ARHGAP35: variants seen among roughly 807,000 people sequenced by gnomAD.
The protein encoded by ARHGAP35 is Rho GTPase activating protein 35.
ARHGAP35 carries 15 observed loss-of-function variants against 111.1 expected under a neutral mutation model. The observed-to-expected ratio is 0.13, with a 90% CI of 0.09 to 0.21. The LOEUF (loss-of-function observed/expected upper bound fraction) is 0.21. Among genes scored for constraint, ARHGAP35 ranks in the 10% least tolerant of loss-of-function variants. The pLI, the probability that ARHGAP35 is intolerant of heterozygous loss-of-function variation, is 1.00. For missense variants in ARHGAP35, 1,262 were observed against 1,873.0 expected, an observed-to-expected ratio of 0.67 and a Z score of 6.02; for synonymous variants, 643 against 710.3, an observed-to-expected ratio of 0.91 and a Z score of 1.51.
Position 46,867,287 on chromosome 19 carries a change from C to G in ARHGAP35, c.-189+6078C>G, listed in dbSNP as rs540429870. 5.9e-5 allele frequency among the ~76,000 whole-genome samples: 9 copies of G among 152,250 alleles called. No individual in the cohort carries two copies. The South Asian group carries it at 1.7e-3, about 28-fold the overall frequency. ...TTTATGTACTTTGCAGCAGTTGTGA[C>G]TGTTGTATTATAGATCTGCAGGTAT... On this transcript the variant is annotated intron_variant, in intron 1 of 6. Coordinates refer to ENST00000672722, the MANE Select transcript of ARHGAP35 (RefSeq NM_004491.5).
At chr19:46,875,212 T>C (rs74739864) in intron 1 of ARHGAP35, among the ~76,000 whole-genome samples, 1,718 of 152,254 alleles carry the variant, frequency 0.011, 44 homozygotes, top group African/African-American at 0.039. Context: ...TATTAAATAT[T>C]TATTTACTGA....
chr19:46,897,217 G>A (rs995805389), intron 1 of ARHGAP35, among the ~76,000 whole-genome samples: 4 of 152,090 alleles, frequency 2.6e-5, no homozygotes, highest in Non-Finnish European at 5.9e-5. Context: ...GTTGTCAAAG[G>A]AAGTATGAAA....
intron 3 of ARHGAP35, among the ~76,000 whole-genome samples, chr19:46,955,559 T>G (rs1261558633): frequency 6.6e-6 from 1 of 152,330 alleles, no homozygotes; most frequent in East Asian, 1.9e-4. Flanking sequence ...TATACCTTAT[T>G]CACATAGCAT....
chr19:46,912,841 C>G (rs1169349054), intron 1 of ARHGAP35, among the ~76,000 whole-genome samples: 1 of 148,724 alleles, frequency 6.7e-6, no homozygotes, highest in Non-Finnish European at 1.5e-5. Context: ...CAAATGCAAA[C>G]ATTTTAACCA....
chr19:46,910,216 G>T (rs1032347905), intron 1 of ARHGAP35, among the ~76,000 whole-genome samples: 2 of 152,054 alleles, frequency 1.3e-5, no homozygotes, highest in Admixed American at 6.6e-5. Context: ...GGGCTCAAGC[G>T]ATCCTCCTGC....
Position 46,920,411 on chromosome 19 carries a change from T to G in ARHGAP35, c.1736T>G (p.Ile579Ser). The G allele has an allele frequency of 6.2e-7, 1 of 1,613,920 alleles. No individual in the cohort carries two copies. Among genetic ancestry groups the G allele is most frequent in the Non-Finnish European group, 8.5e-7 (1 of 1,179,778 alleles). Residue 579 changes from isoleucine to serine, a missense_variant, in exon 2 of 7, where the codon ATC (isoleucine) becomes AGC (serine). Ile to Ser is a moderately radical substitution (Grantham distance 142, BLOSUM62 -2). This residue lies in a region of ARHGAP35 where 328 missense variants were observed against 440.8 expected (regional missense o/e 0.74). Transcript: ENST00000672722. The surrounding 1 kb of genome is among the most constrained non-coding windows in gnomAD (Gnocchi z 7.0). ...KIEHLISSRF[I>S]RPSDRNQKNS... The stretch of plus-strand genomic sequence containing the variant: ...GAGCACTTGATTAGTTCTCGGTTTA[T>G]CCGGCCGTCTGACCGGAATCAGAAA...
At chr19:46,899,205 G>A (rs541457587) in intron 1 of ARHGAP35, among the ~76,000 whole-genome samples, 2 of 152,282 alleles carry the variant, frequency 1.3e-5, no homozygotes, top group Admixed American at 6.5e-5. Context: ...CATTCAGAGA[G>A]GTGGAGAAGA....
rs181810408 is a variant in ARHGAP35, at chr19:47,001,125, G to A, written c.*437G>A. On this transcript the variant is annotated 3_prime_UTR_variant, in exon 7 of 7. Coordinates refer to ENST00000672722, the MANE Select transcript of ARHGAP35 (RefSeq NM_004491.5). The surrounding 1 kb of genome is among the most constrained non-coding windows in gnomAD (Gnocchi z 5.4). ...TGAAGAGAACACTTCCTGTTGGTCT[G>A]TCTCTTCCCACCTTCCATCTGCACA... The A allele has an allele frequency of 4.1e-6, 5 of 1,234,218 alleles. No homozygotes were observed. The Admixed American group carries it at 1.2e-4, about 29-fold the overall frequency. The allele number at this position is 1,234,218 out of a possible 1,614,324, so 76.5% of individuals were successfully genotyped here.
chr19:46,957,790 G>A lies in ARHGAP35; in HGVS notation c.3826+20382G>A, dbSNP rs535972793. ...TTCAGGATCTGTGCTTCTCGCATTC[G>A]TGCAATGAGGATGTTTAATGAGCCT... On this transcript the variant is annotated intron_variant, in intron 3 of 6. Transcript: ENST00000672722. Among the ~76,000 whole-genome samples the A allele has an allele frequency of 7.9e-5, 12 of 152,284 alleles. No individual in the cohort carries two copies. In the South Asian group the frequency reaches 1.9e-3, roughly 24 times the overall value.
intron 3 of ARHGAP35, among the ~76,000 whole-genome samples, chr19:46,956,955 A>ACT (rs1308592378): frequency 9.1e-6 from 1 of 109,854 alleles, no homozygotes; most frequent in Non-Finnish European, 1.9e-5. Context: ...CTTAAAGCAG[A>ACT]CTTTTTTTTT....
rs183204435 is a variant in ARHGAP35 at position 46,886,555 on chromosome 19, T to C, written c.-189+25346T>C. 1.1e-3 allele frequency among the ~76,000 whole-genome samples: 169 copies of C among 152,324 alleles called. 2 individuals are homozygous for C. The Middle Eastern group carries it at 0.02, about 18-fold the overall frequency. ...GTTGTTAATAGTTGTATTTTTTAAC[T>C]GTAGGATAAATTGCCAGTTTTTATT... On this transcript the variant is annotated intron_variant, in intron 1 of 6. Transcript: ENST00000672722.
At chr19:46,877,248 CAAAAAAAAAA>C (rs35968599) in intron 1 of ARHGAP35, among the ~76,000 whole-genome samples, 1 of 89,868 alleles carries the variant, frequency 1.1e-5, no homozygotes, top group Non-Finnish European at 2.1e-5. Context: ...AAAACTGTCT[CAAAAAAAAAA>C]AAAAAAAAAA....
intron 1 of ARHGAP35, among the ~76,000 whole-genome samples, chr19:46,867,434 A>C (rs943229383): frequency 6.6e-6 from 1 of 152,212 alleles, no homozygotes; most frequent in Non-Finnish European, 1.5e-5. Flanking sequence ...CCTATGATGT[A>C]AAGAACATTG....
At chr19:46,898,524 A>G (rs556127102) in intron 1 of ARHGAP35, among the ~76,000 whole-genome samples, 20 of 152,154 alleles carry the variant, frequency 1.3e-4, no homozygotes, top group Non-Finnish European at 2.2e-4. Flanking sequence ...TTGTCATTTT[A>G]TATTTCATTT....
chr19:46,891,434 GT>G (rs559523497), intron 1 of ARHGAP35, among the ~76,000 whole-genome samples: 104 of 135,704 alleles, frequency 7.7e-4, no homozygotes, highest in Admixed American at 1.3e-3. Context: ...TTTTTTTTTT[GT>G]TTTTTTTTTT....
At chr19:46,877,837 G>A (rs2055934176) in intron 1 of ARHGAP35, among the ~76,000 whole-genome samples, 1 of 151,624 alleles carries the variant, frequency 6.6e-6, no homozygotes, top group South Asian at 2.1e-4. Context: ...CTCCCAAGTA[G>A]CTGGGATTAC....
At chr19:46,869,906 T>C (rs1274651146) in intron 1 of ARHGAP35, among the ~76,000 whole-genome samples, 1 of 151,904 alleles carries the variant, frequency 6.6e-6, no homozygotes, top group Non-Finnish European at 1.5e-5. Context: ...ATGCTGCTTT[T>C]ATGGTAACCT....
intron 1 of ARHGAP35, among the ~76,000 whole-genome samples, chr19:46,882,205 C>T (rs911107641): frequency 1.3e-5 from 2 of 151,594 alleles, no homozygotes; most frequent in Non-Finnish European, 2.9e-5. Context: ...ATGATTATGG[C>T]TTACTGTAGC....
At chr19:46,941,340 C>T (rs2056345807) in intron 3 of ARHGAP35, among the ~76,000 whole-genome samples, 1 of 152,032 alleles carries the variant, frequency 6.6e-6, no homozygotes, top group African/African-American at 2.4e-5. Context: ...CAAATTTCAC[C>T]TTCCTGAAAA....
Sources: gnomAD v4.1 joint callset for allele counts (sites outside exome capture counted in the v4.1 genomes callset) on GRCh38, gnomAD v4.1.1 for gene constraint, gnomAD v4.1.1 regional missense constraint, Gnocchi (gnomAD v3.1) non-coding constraint, MANE v1.5 for transcripts, NCBI Gene and HGNC (gene_info 2026-07-23, HGNC 2026-07-21) for gene names.